Variants in PBX3 observed in about 807,000 individuals in gnomAD.
PBX3 encodes PBX homeobox 3.
PBX3 carries 14 observed loss-of-function variants against 48.5 expected under a neutral mutation model. The ratio of observed to expected loss-of-function variants is 0.29; its 90% CI spans 0.19 to 0.45. The LOEUF is 0.45. Ranked by LOEUF, PBX3 falls within the 20% of genes least tolerant of loss-of-function variation. The probability of loss-of-function intolerance (pLI) is 1.00; values close to 1 mark genes in which losing one functional copy is unlikely to be tolerated. For missense variants in PBX3, 386 were observed against 546.7 expected, an observed-to-expected ratio of 0.71 and a Z score of 2.93; for synonymous variants, 210 against 200.3, an observed-to-expected ratio of 1.05 and a Z score of -0.41.
At chr9:125,823,517 T>C (rs1354478269) in intron 2 of PBX3, among the ~76,000 whole-genome samples, 1 of 152,108 alleles carries the variant, frequency 6.6e-6, no homozygotes, top group Non-Finnish European at 1.5e-5. Context: ...TGGTCCTTTT[T>C]AAGGAGGATA....
chr9:125,926,255 C>T (rs1364650236), intron 3 of PBX3, among the ~76,000 whole-genome samples: 1 of 152,230 alleles, frequency 6.6e-6, no homozygotes, highest in African/African-American at 2.4e-5. Context: ...TATGGTGGCT[C>T]ACGCCTGTAA....
At chr9:125,906,114 C>T in intron 2 of PBX3, among the ~76,000 whole-genome samples, 1 of 151,950 alleles carries the variant, frequency 6.6e-6, no homozygotes, top group African/African-American at 2.4e-5. Context: ...TAATTAGATG[C>T]TGTATTTATA....
At chr9:125,826,801 A>C (rs990752115) in intron 2 of PBX3, among the ~76,000 whole-genome samples, 1 of 152,276 alleles carries the variant, frequency 6.6e-6, no homozygotes, top group East Asian at 1.9e-4. Context: ...TGTTGCATGC[A>C]TAGAATGTGT....
intron 5 of PBX3, among the ~76,000 whole-genome samples, chr9:125,956,891 C>T (rs901204383): frequency 6.6e-6 from 1 of 152,334 alleles, no homozygotes; most frequent in Non-Finnish European, 1.5e-5. Flanking sequence ...TCATGCACTG[C>T]GCATGCAGCC....
At chr9:125,813,496 A>G (rs1237559591) in intron 2 of PBX3, among the ~76,000 whole-genome samples, 1 of 152,190 alleles carries the variant, frequency 6.6e-6, no homozygotes, top group Non-Finnish European at 1.5e-5. Context: ...ACGCATCAAG[A>G]TATCTTTTAT....
intron 2 of PBX3, among the ~76,000 whole-genome samples, chr9:125,855,142 G>A (rs1839687471): frequency 1.3e-5 from 2 of 152,104 alleles, no homozygotes; most frequent in South Asian, 4.1e-4. Flanking sequence ...TGCATTATTT[G>A]CAGATCAGGA....
chr9:125,965,715 A>T (rs772718230), intron 8 of PBX3, 116 bp from the exon 9 acceptor site: 80 of 767,894 alleles, frequency 1.0e-4, no homozygotes, highest in Admixed American at 1.7e-4. Flanking sequence ...CAGTGGGTTT[A>T]GAAAATACAT....
intron 5 of PBX3, among the ~76,000 whole-genome samples, chr9:125,938,983 G>A (rs1841900101): frequency 6.6e-6 from 1 of 150,620 alleles, no homozygotes; most frequent in African/African-American, 2.4e-5. Flanking sequence ...GCATGTATAT[G>A]TGTGTGTGTG....
At chr9:125,865,957 C>T (rs1839969357) in intron 2 of PBX3, among the ~76,000 whole-genome samples, 1 of 151,102 alleles carries the variant, frequency 6.6e-6, no homozygotes, top group Non-Finnish European at 1.5e-5. Flanking sequence ...CCTGTTTTTC[C>T]CCCAATTTTT....
At chr9:125,951,309 C>G (rs73668737) in intron 5 of PBX3, among the ~76,000 whole-genome samples, 5,992 of 152,216 alleles carry the variant, frequency 0.039, 419 homozygotes, top group African/African-American at 0.14. Context: ...AATAGCCCAG[C>G]AGGAGTGTGG....
Position 125,929,635 on chromosome 9 carries a change from A to ATTTTTTTT in PBX3, c.517-18_517-11dup. 6.4e-7 allele frequency: 1 copy of ATTTTTTTT among 1,551,758 alleles called. No individual in the cohort carries two copies. Among genetic ancestry groups the ATTTTTTTT allele is most frequent in the Non-Finnish European group, 8.8e-7 (1 of 1,136,450 alleles). Reference sequence around the variant, plus strand: ...ATAGTAGATAGTTTCCAAAGGAGTGATTTTTTTTTCCCATTACAGGCATGT... The same window carrying ATTTTTTTT: ...ATAGTAGATAGTTTCCAAAGGAGTGATTTTTTTTTTTTTTTTTCCCATTACAGGCATGT... On this transcript the variant is annotated intron_variant, in intron 3 of 8. Coordinates refer to ENST00000373489, the MANE Select transcript of PBX3 (RefSeq NM_006195.6).
chr9:125,789,702 A>T (rs1837547727), intron 2 of PBX3, among the ~76,000 whole-genome samples: 1 of 152,152 alleles, frequency 6.6e-6, no homozygotes, highest in Admixed American at 6.5e-5. Context: ...ATAGGGTGTG[A>T]ATAGTAGGCA....
At chr9:125,840,247 GT>G (rs1839252090) in intron 2 of PBX3, among the ~76,000 whole-genome samples, 1 of 151,954 alleles carries the variant, frequency 6.6e-6, no homozygotes, top group South Asian at 2.1e-4. Flanking sequence ...TCAGGATGGA[GT>G]TTTTTATTTT....
chr9:125,825,195 G>C (rs921726627), intron 2 of PBX3, among the ~76,000 whole-genome samples: 4 of 151,958 alleles, frequency 2.6e-5, no homozygotes, highest in Admixed American at 2.0e-4. Context: ...GAGGTGGGAG[G>C]ATAGCTTGAA....
intron 2 of PBX3, among the ~76,000 whole-genome samples, chr9:125,787,375 G>T (rs761869865): frequency 2.6e-5 from 4 of 152,092 alleles, no homozygotes; most frequent in Non-Finnish European, 5.9e-5. Flanking sequence ...CTGTGATGAA[G>T]TAGAGTTTGA....
At chr9:125,797,455 C>T (rs1837817903) in intron 2 of PBX3, 1 of 151,906 alleles carries the variant, frequency 6.6e-6, no homozygotes, top group Non-Finnish European at 1.5e-5. Flanking sequence ...GTTACTTTAC[C>T]TCTACTCAAG....
chr9:125,915,616 A>G, intron 2 of PBX3, 70 bp from the exon 3 acceptor site: 4 of 1,207,716 alleles, frequency 3.3e-6, no homozygotes, highest in Middle Eastern at 2.9e-4. Flanking sequence ...CGAATAAACA[A>G]AATACTCACA....
chr9:125,851,856 A>G (rs1054372868), intron 2 of PBX3, among the ~76,000 whole-genome samples: 3 of 148,886 alleles, frequency 2.0e-5, no homozygotes, highest in African/African-American at 7.6e-5. Flanking sequence ...AGAGAATTCA[A>G]AAAATTTTTG....
intron 2 of PBX3, among the ~76,000 whole-genome samples, chr9:125,809,477 T>A (rs1258978059): frequency 2.0e-5 from 3 of 152,108 alleles, no homozygotes; most frequent in South Asian, 2.1e-4. Flanking sequence ...GTATTACCTT[T>A]GTAATCATTT....
Sources: gnomAD v4.1 joint callset for allele counts (sites outside exome capture counted in the v4.1 genomes callset) on GRCh38, gnomAD v4.1.1 for gene constraint, MANE v1.5 for transcripts, NCBI Gene and HGNC (gene_info 2026-07-23, HGNC 2026-07-21) for gene names.